Variants in TOGARAM2 observed in about 807,000 individuals in gnomAD.
TOGARAM2 encodes TOG array regulator of axonemal microtubules protein 2.
In TOGARAM2, 85 loss-of-function variants were observed where a neutral mutation model predicts 93.3. The observed-to-expected ratio is 0.91, with a 90% CI of 0.76 to 1.09. TOGARAM2 has a LOEUF of 1.09. TOGARAM2 is among the 50% of genes least tolerant of loss of function. TOGARAM2 has a pLI of 0.00. For synonymous variants in TOGARAM2, 593 were observed against 552.8 expected, an observed-to-expected ratio of 1.07 and a Z score of -1.02; for missense variants, 1,277 against 1,334.5, an observed-to-expected ratio of 0.96 and a Z score of 0.67.
At chr2:28,996,056 AGGGCTGTGCCTG>A (rs1399153813) in intron 2 of TOGARAM2, among the ~76,000 whole-genome samples, 1 of 152,348 alleles carries the variant, frequency 6.6e-6, no homozygotes, top group African/African-American at 2.4e-5. Context: ...AGAGTAACAC[AGGGCTGTGCCTG>A]GGGCTGTGGG....
At chr2:29,031,607 C>T (rs1665770052) in intron 14 of TOGARAM2, among the ~76,000 whole-genome samples, 1 of 152,138 alleles carries the variant, frequency 6.6e-6, no homozygotes, top group South Asian at 2.1e-4. Context: ...CAGTGGATAT[C>T]CATTAGATAT....
At position 28,956,613 on chromosome 2, in the gene TOGARAM2, T is replaced by G. The variant is rs1209125850; in HGVS notation, c.-231T>G. 1 of 152,162 alleles carries G rather than the reference T, an allele frequency of 6.6e-6. No homozygotes were observed. The highest frequency in any genetic ancestry group is 1.5e-5 in the Non-Finnish European group (1 of 68,028). 9.4% of individuals were successfully genotyped at this position (152,162 alleles called of 1,614,324 possible). A position where few individuals can be genotyped will look rare whatever the true frequency, so the allele number is the denominator to read the frequency against. On this transcript the variant is annotated 5_prime_UTR_variant, in exon 1 of 7. Coordinates refer to the TOGARAM2 transcript ENST00000401723. This position sits in a 1 kb window ranked among gnomAD's most constrained non-coding sequence, Gnocchi z 4.5. ...TGCCATTCCCTGATCGATAGATGCT[T>G]GGGGTGCTTCCTGTTTCTCAGTAAA... is the stretch of plus-strand genomic sequence containing the variant.
chr2:29,006,321 A>AGT (rs1246351806), intron 6 of TOGARAM2, among the ~76,000 whole-genome samples: 6 of 117,432 alleles, frequency 5.1e-5, no homozygotes, highest in Admixed American at 4.3e-4. Flanking sequence ...CTGTGTGTGG[A>AGT]GTGTGTGCAT....
chr2:29,033,508 C>T lies in TOGARAM2; in HGVS notation c.2170C>T (p.Arg724Cys), dbSNP rs60403047. The T allele has an allele frequency of 0.089, 143,631 of 1,613,260 alleles. 7,009 individuals are homozygous for T. Among genetic ancestry groups the T allele is most frequent in the East Asian group, 0.16 (6,987 of 44,840 alleles). ...DNDELPSAKG[R>C]KVLRSLVVCE... ...TGATGAACTTCCCTCTGCCAAAGGC[C>T]GCAAGGTGTTGAGGAGTCTGGTGGT... The change falls in exon 16 of 20, where the codon CGC becomes TGC. Residue 724 changes from arginine to cysteine, a missense_variant. Transcript: ENST00000379558.
At chr2:28,985,829 G>A (rs1672440590) in intron 1 of TOGARAM2, among the ~76,000 whole-genome samples, 1 of 152,166 alleles carries the variant, frequency 6.6e-6, no homozygotes, top group Non-Finnish European at 1.5e-5. Flanking sequence ...AGAAGATGTA[G>A]TGTGAGGCTT....
chr2:29,012,680 T>C (rs1178896975), intron 7 of TOGARAM2, among the ~76,000 whole-genome samples: 1 of 152,048 alleles, frequency 6.6e-6, no homozygotes, highest in Non-Finnish European at 1.5e-5. Context: ...AGAAGTGACA[T>C]AAAAAATAGT....
At chr2:28,991,722 C>T (rs1421722354) in intron 1 of TOGARAM2, among the ~76,000 whole-genome samples, 1 of 152,188 alleles carries the variant, frequency 6.6e-6, no homozygotes, top group Admixed American at 6.5e-5. Flanking sequence ...GGGTTTTGTG[C>T]TTGGGACTGA....
chr2:28,966,240 C>G (rs1044381919), intron 1 of TOGARAM2, among the ~76,000 whole-genome samples: 1 of 152,058 alleles, frequency 6.6e-6, no homozygotes, highest in Non-Finnish European at 1.5e-5. Context: ...ATCCGCCTGC[C>G]TTGGTGTCCC....
At chr2:28,994,924 C>T in intron 2 of TOGARAM2, 62 bp downstream of exon 2, 7 of 1,537,702 alleles carry the variant, frequency 4.6e-6, no homozygotes, top group East Asian at 2.5e-5. Context: ...CTGCCTCGGA[C>T]ACTCCCAAGG....
At chr2:29,035,801 G>A in intron 17 of TOGARAM2, 145 bp downstream of exon 17, 2 of 765,346 alleles carry the variant, frequency 2.6e-6, no homozygotes, top group Non-Finnish European at 3.7e-6. Flanking sequence ...ACCTGGAAGT[G>A]GCTGAGTGGG....
chr2:29,017,610 T>C (rs1180322054), intron 9 of TOGARAM2, among the ~76,000 whole-genome samples, 182 bp from the exon 10 acceptor site: 1 of 152,156 alleles, frequency 6.6e-6, no homozygotes, highest in Non-Finnish European at 1.5e-5. Flanking sequence ...GGCATCTCCC[T>C]ATGTTGCCCA....
At chr2:29,010,560 G>A (rs748237512) in intron 6 of TOGARAM2, among the ~76,000 whole-genome samples, 3 of 152,088 alleles carry the variant, frequency 2.0e-5, no homozygotes, top group Non-Finnish European at 2.9e-5. Flanking sequence ...CCTGCAGCCC[G>A]GCCTGGACTG....
chr2:28,994,545 C>T (rs1044776235), intron 1 of TOGARAM2, among the ~76,000 whole-genome samples, 180 bp from the exon 2 acceptor site: 9 of 152,234 alleles, frequency 5.9e-5, no homozygotes, highest in East Asian at 1.9e-4. Flanking sequence ...CAAAACCACA[C>T]GGCCTCGCAC....
chr2:28,964,483 T>A (rs893698034), intron 1 of TOGARAM2, among the ~76,000 whole-genome samples: 2 of 145,100 alleles, frequency 1.4e-5, no homozygotes, highest in African/African-American at 5.0e-5. Flanking sequence ...TTTTTTTTTT[T>A]AATTTTAATT....
chr2:28,998,894 G>C (rs967991861), intron 3 of TOGARAM2, among the ~76,000 whole-genome samples: 1 of 152,060 alleles, frequency 6.6e-6, no homozygotes, highest in East Asian at 1.9e-4. Context: ...CTGGGCAGAC[G>C]ACCTTCCCTA....
Position 29,026,840 on chromosome 2 carries a change from G to T in TOGARAM2, c.1854-13G>T. On this transcript the variant is annotated splice_polypyrimidine_tract_variant and intron_variant, in intron 13 of 19. Transcript: ENST00000379558. Reference sequence around the variant, plus strand: ...ATCCTGAGACTGACCCCTGGGCCATGATTTCCTTTCAGCCACCGGAACCCC... The same window carrying T: ...ATCCTGAGACTGACCCCTGGGCCATTATTTCCTTTCAGCCACCGGAACCCC... The T allele has an allele frequency of 6.3e-7, 1 of 1,575,034 alleles. No individual in the cohort carries two copies. Among genetic ancestry groups the T allele is most frequent in the Non-Finnish European group, 8.6e-7 (1 of 1,157,614 alleles).
chr2:28,997,215 A>G (rs1673035833), intron 2 of TOGARAM2, among the ~76,000 whole-genome samples: 1 of 124,480 alleles, frequency 8.0e-6, no homozygotes, highest in African/African-American at 2.5e-5. Context: ...CAAAGGATTA[A>G]TAACCAGAAT....
intron 1 of TOGARAM2, among the ~76,000 whole-genome samples, chr2:28,974,996 T>C (rs1469513511): frequency 2.0e-5 from 3 of 151,980 alleles, no homozygotes; most frequent in African/African-American, 7.2e-5. Flanking sequence ...TATGGTTTTA[T>C]GTTCAAGTTC....
chr2:28,997,841 T>C (rs967981453), intron 2 of TOGARAM2, among the ~76,000 whole-genome samples: 12 of 151,908 alleles, frequency 7.9e-5, no homozygotes, highest in African/African-American at 2.4e-4. Context: ...GGGGTGCCCA[T>C]GAAGGAGATG....
Sources: allele counts gnomAD v4.1 joint callset (sites outside exome capture counted in the v4.1 genomes callset), GRCh38; gene constraint gnomAD v4.1.1; non-coding constraint Gnocchi (gnomAD v3.1); transcripts MANE v1.5; gene names NCBI Gene and HGNC (gene_info 2026-07-23, HGNC 2026-07-21).